Variants in NFAT5 observed in about 807,000 individuals in gnomAD.
NFAT5 encodes the protein nuclear factor of activated T-cells 5.
NFAT5 carries 31 observed loss-of-function variants against 166.5 expected under a neutral mutation model. The ratio of observed to expected loss-of-function variants is 0.19; its 90% confidence interval spans 0.14 to 0.25. The LOEUF (loss-of-function observed/expected upper bound fraction) is 0.25, where lower values mean the gene tolerates loss of function less well. Among genes scored for constraint, NFAT5 ranks in the 10% least tolerant of loss-of-function variants. The pLI is 1.00. For missense variants in NFAT5, 1,449 were observed against 1,821.8 expected (o/e 0.80, Z 3.72); for synonymous variants, 612 against 639.7 (o/e 0.96, Z 0.65).
At chr16:69,643,723 T>A (rs2035316712) in intron 3 of NFAT5, among the ~76,000 whole-genome samples, 1 of 152,202 alleles carries the variant, frequency 6.6e-6, no homozygotes, top group Non-Finnish European at 1.5e-5. Flanking sequence ...TAACTCCAAA[T>A]ACATACCAAA....
At chr16:69,630,016 A>G (rs1234095768) in intron 3 of NFAT5, among the ~76,000 whole-genome samples, 1 of 151,452 alleles carries the variant, frequency 6.6e-6, no homozygotes, top group Non-Finnish European at 1.5e-5. Flanking sequence ...AGCTCACTGC[A>G]ACCTCCACCT....
At chr16:69,608,599 A>ACAAAAAATT (rs2151552260) in intron 2 of NFAT5, among the ~76,000 whole-genome samples, 1 of 150,144 alleles carries the variant, frequency 6.7e-6, no homozygotes, top group East Asian at 2.0e-4. Context: ...TACTAAAAAT[A>ACAAAAAATT]AGTATATTGA....
At chr16:69,683,671 G>A (rs944684859) in intron 10 of NFAT5, among the ~76,000 whole-genome samples, 9 of 152,116 alleles carry the variant, frequency 5.9e-5, no homozygotes, top group African/African-American at 2.2e-4. Context: ...GTTTAAATTT[G>A]TTACAGTAGG....
intron 2 of NFAT5, among the ~76,000 whole-genome samples, chr16:69,600,183 G>A (rs2033051997): frequency 6.6e-6 from 1 of 151,684 alleles, no homozygotes; most frequent in Non-Finnish European, 1.5e-5. Context: ...TCAGGGACAT[G>A]AAGAGAGGAG....
intron 2 of NFAT5, among the ~76,000 whole-genome samples, chr16:69,573,954 A>C (rs1037036033): frequency 1.1e-4 from 17 of 150,146 alleles, no homozygotes; most frequent in African/African-American, 3.9e-4. Flanking sequence ...GCTCACCGCA[A>C]CTTCACCTCC....
chr16:69,687,336 G>A (rs920604905), intron 11 of NFAT5, among the ~76,000 whole-genome samples: 1 of 151,236 alleles, frequency 6.6e-6, no homozygotes, highest in Admixed American at 6.6e-5. Flanking sequence ...AGCTAGTTGG[G>A]AGGCTGAGAC....
At chr16:69,675,467 C>T (rs751683077) in intron 9 of NFAT5, among the ~76,000 whole-genome samples, 1 of 152,094 alleles carries the variant, frequency 6.6e-6, no homozygotes, top group Non-Finnish European at 1.5e-5. Context: ...AATACCAGTG[C>T]GTTTTTTATG....
chr16:69,612,354 T>G (rs1213898443), intron 2 of NFAT5, among the ~76,000 whole-genome samples: 2 of 152,200 alleles, frequency 1.3e-5, no homozygotes, highest in Non-Finnish European at 1.5e-5. Context: ...AGATGGTACA[T>G]GTAGGAAATT....
At chr16:69,636,951 G>T (rs202219534) in intron 3 of NFAT5, among the ~76,000 whole-genome samples, 1 of 152,076 alleles carries the variant, frequency 6.6e-6, no homozygotes, top group African/African-American at 2.4e-5. Context: ...CTTTTCTGTC[G>T]CATAGTCAGG....
intron 2 of NFAT5, among the ~76,000 whole-genome samples, chr16:69,605,535 G>A (rs921968194): frequency 6.6e-6 from 1 of 152,178 alleles, no homozygotes; most frequent in Non-Finnish European, 1.5e-5. Flanking sequence ...CTGGGCAAAT[G>A]TTTGTTAAAT....
chr16:69,681,001 C>A (rs2037038078), intron 10 of NFAT5, among the ~76,000 whole-genome samples: 1 of 152,158 alleles, frequency 6.6e-6, no homozygotes, highest in African/African-American at 2.4e-5. Context: ...CTCAAGTGAT[C>A]CGCCCGCCTC....
intron 2 of NFAT5, among the ~76,000 whole-genome samples, chr16:69,597,070 G>A (rs1278629742): frequency 6.6e-6 from 1 of 152,120 alleles, no homozygotes; most frequent in Non-Finnish European, 1.5e-5. Flanking sequence ...GGGCTATGTT[G>A]GAGGAAGAAT....
intron 7 of NFAT5, among the ~76,000 whole-genome samples, chr16:69,663,621 G>T (rs996718086): frequency 6.8e-6 from 1 of 147,048 alleles, no homozygotes; most frequent in Non-Finnish European, 1.5e-5. Flanking sequence ...TGTAATACCA[G>T]CACTTTGGGA....
At chr16:69,658,091 AAAAATAAATAAAGT>A (rs2035967852) in intron 6 of NFAT5, among the ~76,000 whole-genome samples, 1 of 151,464 alleles carries the variant, frequency 6.6e-6, no homozygotes. Flanking sequence ...TCAAAAAAAA[AAAAATAAATAAAGT>A]AAAATAAATA....
rs536381098 is a variant in NFAT5 at position 69,693,591 on chromosome 16, A to G, written c.3766A>G (p.Ile1256Val). The part of the protein sequence containing the change: ...QGTMFQSQHS[I>V]VAMQSNSPSQ... ...AACCATGTTCCAGTCACAGCACTCA[A>G]TAGTTGCCATGCAGAGTAACTCTCC... is the stretch of plus-strand genomic sequence containing the variant. The change falls in exon 13 of 15, where the codon ATA (isoleucine) becomes GTA (valine). Residue 1256 changes from isoleucine (I) to valine (V), a missense_variant. Transcript: ENST00000349945. The G allele has an allele frequency of 2.3e-5, 37 of 1,614,174 alleles. No homozygotes were observed. The highest frequency in any genetic ancestry group is 1.3e-5 in the African/African-American group (1 of 75,022).
chr16:69,679,145 G>T (rs1289086954), intron 10 of NFAT5, among the ~76,000 whole-genome samples: 1 of 151,944 alleles, frequency 6.6e-6, no homozygotes, highest in Non-Finnish European at 1.5e-5. Context: ...TGGCCAGGCT[G>T]GTCTCAAACT....
chr16:69,648,193 CA>C (rs146719802), intron 4 of NFAT5: 150 of 807,582 alleles, frequency 1.9e-4, no homozygotes, highest in Non-Finnish European at 1.9e-4. Context: ...AAAAAAACAC[CA>C]AAAAAAAAAC....
rs2037639728 is a variant in NFAT5, at chr16:69,693,508, A to C, written c.3683A>C (p.Gln1228Pro). Residue 1228 changes from glutamine (Q) to proline (P), a missense_variant, in exon 13 of 15, where the codon CAG (glutamine) becomes CCG (proline). Transcript: ENST00000349945. Reference sequence around the variant, plus strand: ...CAACCCCCGCAGCAGGGTTTATTTCAGCCTCAGGTGGCCCTGGGCTCCCTT... The same window carrying C: ...CAACCCCCGCAGCAGGGTTTATTTCCGCCTCAGGTGGCCCTGGGCTCCCTT... The part of the protein sequence containing the change: ...QAQPPQQGLF[Q>P]PQVALGSLPP... 5 of 1,614,124 alleles carry C rather than the reference A, an allele frequency of 3.1e-6. No individual in the cohort carries two copies. The East Asian group carries it at 1.1e-4, about 36-fold the overall frequency.
Position 69,665,270 on chromosome 16 carries a change from G to A in NFAT5, c.1370-4707G>A, listed in dbSNP as rs564003572. Among the ~76,000 whole-genome samples the A allele has an allele frequency of 6.7e-5, 10 of 150,270 alleles. No individual in the cohort carries two copies. In the East Asian group the frequency reaches 1.8e-3, roughly 27 times the overall value. On this transcript the variant is annotated intron_variant, in intron 7 of 14. Transcript: ENST00000349945. ...TTGAAAACTGGCACAAGACAGGGAT[G>A]CCCTCTCTCACCACTCCTATTCAAC...
Sources: gnomAD v4.1 joint callset for allele counts (sites outside exome capture counted in the v4.1 genomes callset) on GRCh38, gnomAD v4.1.1 for gene constraint, MANE v1.5 for transcripts, NCBI Gene and HGNC (gene_info 2026-07-23, HGNC 2026-07-21) for gene names.